Variants in SLIT3 observed in about 807,000 individuals in gnomAD.
SLIT3 encodes the protein slit guidance ligand 3, also known as slit homolog 3 protein.
SLIT3 carries 68 observed loss-of-function variants against 184.0 expected under a neutral mutation model. The observed-to-expected ratio is 0.37, with a 90% CI of 0.30 to 0.45. The LOEUF (loss-of-function observed/expected upper bound fraction) is 0.45. Among genes scored for constraint, SLIT3 ranks in the 20% least tolerant of loss-of-function variants. The pLI, the probability that SLIT3 is intolerant of heterozygous loss-of-function variation, is 1.00. For synonymous variants in SLIT3, 831 were observed against 828.6 expected (o/e 1.00, Z -0.05); for missense variants, 1,707 against 2,026.0 (o/e 0.84, Z 3.02).
intron 4 of SLIT3, among the ~76,000 whole-genome samples, chr5:169,192,395 T>A (rs1561727909): frequency 6.6e-6 from 1 of 151,932 alleles, no homozygotes; most frequent in East Asian, 1.9e-4. Context: ...CAAAGTGCCC[T>A]TTTAAAATAA....
chr5:169,235,849 G>A (rs557816607), intron 3 of SLIT3, among the ~76,000 whole-genome samples: 6 of 152,292 alleles, frequency 3.9e-5, no homozygotes, highest in South Asian at 2.1e-4. Flanking sequence ...GCATCATATC[G>A]AAAGTACATA....
chr5:168,803,018 G>T (rs1756824821), intron 9 of SLIT3, among the ~76,000 whole-genome samples: 1 of 90,238 alleles, frequency 1.1e-5, no homozygotes, highest in African/African-American at 4.1e-5. Flanking sequence ...CCTCTTGGTT[G>T]TTTGTATCTC....
chr5:168,771,038 G>A (rs1755534043), intron 14 of SLIT3, among the ~76,000 whole-genome samples: 1 of 152,132 alleles, frequency 6.6e-6, no homozygotes, highest in Non-Finnish European at 1.5e-5. Context: ...AGTACTAACA[G>A]GATACTTATG....
At chr5:169,217,968 C>A (rs759537038) in intron 3 of SLIT3, among the ~76,000 whole-genome samples, 1 of 152,218 alleles carries the variant, frequency 6.6e-6, no homozygotes, top group Non-Finnish European at 1.5e-5. Context: ...AGACCTTTCA[C>A]AGAAAGCGAG....
intron 10 of SLIT3, chr5:168,790,596 C>T (rs951307096): frequency 1.3e-5 from 2 of 152,152 alleles, no homozygotes; most frequent in Admixed American, 1.3e-4. Flanking sequence ...AGGAGAGATG[C>T]TCCAATTTCC....
rs761113435 is a variant in SLIT3, at chr5:168,688,094, C to T, written c.3177-978G>A. On this transcript the variant is annotated intron_variant, in intron 29 of 35. Transcript: ENST00000519560. Reference sequence around the variant, plus strand: ...GTCTGGGGCAACATTCAACCAAAATCCCAGCATAGAAACACACCTGAATGC... The same window carrying T: ...GTCTGGGGCAACATTCAACCAAAATTCCAGCATAGAAACACACCTGAATGC... Among the ~76,000 whole-genome samples, 56 of 152,234 alleles carry T rather than the reference C, an allele frequency of 3.7e-4. 1 individual carries two copies. Among genetic ancestry groups the T allele is most frequent in the Admixed American group, 2.4e-3 (36 of 15,280 alleles).
At chr5:169,278,574 C>T (rs73319578) in intron 1 of SLIT3, among the ~76,000 whole-genome samples, 1,828 of 152,234 alleles carry the variant, frequency 0.012, 40 homozygotes, top group African/African-American at 0.041. Flanking sequence ...GTTACTGTAA[C>T]GCTCCAGTAT....
chr5:168,802,566 T>C lies in SLIT3; in HGVS notation c.935+3880A>G, dbSNP rs78715390. On this transcript the variant is annotated intron_variant, in intron 9 of 35. Transcript: ENST00000519560. ...ATTTACATATATGAATACATTTGCA[T>C]GAAGATGAGCTACTCCCAGGTTCAA... 2.2e-3 allele frequency among the ~76,000 whole-genome samples: 333 copies of C among 152,318 alleles called. 4 individuals are homozygous for C. The highest frequency in any genetic ancestry group is 3.3e-3 in the Non-Finnish European group (222 of 68,018).
chr5:169,204,040 G>A (rs549557487), intron 3 of SLIT3, among the ~76,000 whole-genome samples: 17 of 152,248 alleles, frequency 1.1e-4, no homozygotes, highest in South Asian at 2.1e-4. Context: ...TGTGGTTACC[G>A]TGGGAGATGA....
chr5:169,202,315 ATAGGGCACT>A (rs992846663), intron 3 of SLIT3, among the ~76,000 whole-genome samples: 3 of 152,164 alleles, frequency 2.0e-5, no homozygotes, highest in Non-Finnish European at 4.4e-5. Flanking sequence ...TTATGTTCAC[ATAGGGCACT>A]TACTACTATG....
intron 4 of SLIT3, among the ~76,000 whole-genome samples, chr5:168,937,067 G>C (rs1762182259): frequency 6.6e-6 from 1 of 152,144 alleles, no homozygotes; most frequent in Non-Finnish European, 1.5e-5. Flanking sequence ...TGACACCTGA[G>C]CTGGCATTGG....
In SLIT3 at chr5:168,777,807, A is replaced by G. The variant is rs112125184; in HGVS notation, c.1152-3429T>C. Among the ~76,000 whole-genome samples the G allele has an allele frequency of 8.9e-3, 1,362 of 152,334 alleles. 23 individuals carry two copies. The highest frequency in any genetic ancestry group is 0.031 in the African/African-American group (1,280 of 41,574). ...GACAGCCTCACTGGTCCCCAGCATC[A>G]GCAAGATCTAACAGCCTGTCCCTGT... is the stretch of plus-strand genomic sequence containing the variant. On this transcript the variant is annotated intron_variant, in intron 12 of 35. Transcript: ENST00000519560.
intron 4 of SLIT3, among the ~76,000 whole-genome samples, chr5:169,133,735 A>G (rs72832202): frequency 0.014 from 2,159 of 152,322 alleles, 25 homozygotes; most frequent in Non-Finnish European, 0.024. Context: ...TTCACTGCAG[A>G]TGACAAGTTG....
At position 169,102,310 on chromosome 5, in the gene SLIT3, A is replaced by G. The variant is rs1007881612; in HGVS notation, c.413+91169T>C. 3.3e-5 allele frequency among the ~76,000 whole-genome samples: 5 copies of G among 152,156 alleles called. No homozygotes were observed. The East Asian group carries it at 9.6e-4, about 29-fold the overall frequency. On this transcript the variant is annotated intron_variant, in intron 4 of 35. Coordinates refer to ENST00000519560, the MANE Select transcript of SLIT3 (RefSeq NM_003062.4). The stretch of plus-strand genomic sequence containing the variant: ...TCCTGATTTTTCAAAGAACATAGAC[A>G]TTTTTGGATTATATATATCCATATT...
chr5:168,718,318 A>G (rs1762815194), intron 23 of SLIT3: 1 of 152,122 alleles, frequency 6.6e-6, no homozygotes, highest in Non-Finnish European at 1.5e-5. Context: ...CACAATTCTT[A>G]CTTCGGGGAC....
chr5:169,217,130 TAAAAAAAAAA>T (rs55757348), intron 3 of SLIT3, among the ~76,000 whole-genome samples: 3 of 126,946 alleles, frequency 2.4e-5, no homozygotes, highest in Non-Finnish European at 5.0e-5. Context: ...TTGAGTAGGT[TAAAAAAAAAA>T]AAAAAAAAAA....
At chr5:168,678,413 T>A (rs1761479441) in intron 32 of SLIT3, among the ~76,000 whole-genome samples, 1 of 152,096 alleles carries the variant, frequency 6.6e-6, no homozygotes, top group Admixed American at 6.6e-5. Context: ...ATCCTTGAAT[T>A]CTCCCTGACA....
At chr5:169,074,314 T>G (rs1758659179) in intron 4 of SLIT3, among the ~76,000 whole-genome samples, 1 of 152,202 alleles carries the variant, frequency 6.6e-6, no homozygotes, top group African/African-American at 2.4e-5. Flanking sequence ...ATATCATTTT[T>G]AACGCATTCC....
chr5:168,935,004 G>T (rs1396767436), intron 4 of SLIT3, among the ~76,000 whole-genome samples: 8 of 150,290 alleles, frequency 5.3e-5, no homozygotes, highest in African/African-American at 2.0e-4. Flanking sequence ...CAGGCATGGT[G>T]GCGTGCACCT....
Sources: allele counts gnomAD v4.1 joint callset (sites outside exome capture counted in the v4.1 genomes callset), GRCh38; gene constraint gnomAD v4.1.1; transcripts MANE v1.5; gene names NCBI Gene and HGNC (gene_info 2026-07-23, HGNC 2026-07-21).